Variants in ACYP2 observed in about 807,000 individuals in gnomAD.
ACYP2 encodes the protein acylphosphatase-2.
In ACYP2, 12 loss-of-function variants were observed where a neutral mutation model predicts 11.2. The ratio of observed to expected loss-of-function variants is 1.08; its 90% CI spans 0.69 to 1.74. ACYP2 has a LOEUF of 1.74. Among genes scored for constraint, ACYP2 ranks in the 40% most tolerant of loss-of-function variants. ACYP2 has a pLI of 0.00. For synonymous variants in ACYP2, 43 were observed against 32.2 expected (o/e 1.33, Z -1.13); for missense variants, 134 against 101.9 (o/e 1.31, Z -1.35).
At chr2:54,040,767 G>C (rs1482573377) in intron 2 of ACYP2, among the ~76,000 whole-genome samples, 1 of 152,224 alleles carries the variant, frequency 6.6e-6, no homozygotes, top group Admixed American at 6.5e-5. Flanking sequence ...CTTGATGAGA[G>C]TGATTTAACT....
chr2:54,267,322 G>A (rs1057467692), intron 6 of ACYP2: 4 of 1,548,432 alleles, frequency 2.6e-6, no homozygotes, highest in African/African-American at 2.7e-5. Context: ...GAAGCTGGGT[G>A]AAGAAAAGAA....
At chr2:54,266,776 T>TTTTGTA (rs1212855784) in intron 6 of ACYP2, among the ~76,000 whole-genome samples, 4 of 151,534 alleles carry the variant, frequency 2.6e-5, no homozygotes, top group Non-Finnish European at 4.4e-5. Context: ...TGGCTAATTT[T>TTTTGTA]TTTGTATTTT....
chr2:54,253,390 GA>G (rs1687329215), intron 6 of ACYP2: 1 of 152,094 alleles, frequency 6.6e-6, no homozygotes, highest in Non-Finnish European at 1.5e-5. Context: ...GAAAGTAAAA[GA>G]AAATCTGTAC....
chr2:54,009,574 C>A (rs370354599), intron 2 of ACYP2, among the ~76,000 whole-genome samples: 1 of 151,862 alleles, frequency 6.6e-6, no homozygotes, highest in Non-Finnish European at 1.5e-5. Context: ...AACTCTGTCT[C>A]AAAAATAATA....
At chr2:54,283,214 G>T (rs1471873786) in intron 6 of ACYP2, among the ~76,000 whole-genome samples, 2 of 152,134 alleles carry the variant, frequency 1.3e-5, no homozygotes, top group Non-Finnish European at 2.9e-5. Context: ...CTTGCCTCAA[G>T]ATTTTTATTA....
At chr2:53,993,581 C>A (rs948503141) in intron 2 of ACYP2, among the ~76,000 whole-genome samples, 4 of 151,786 alleles carry the variant, frequency 2.6e-5, no homozygotes, top group African/African-American at 9.7e-5. Flanking sequence ...TCTGTAGTCT[C>A]AGCTCCTCGG....
At chr2:53,975,392 G>A (rs1671421440) in intron 2 of ACYP2, 1 of 397,048 alleles carries the variant, frequency 2.5e-6, no homozygotes, top group Non-Finnish European at 4.4e-6. Flanking sequence ...ATGCTTCCCA[G>A]TGAGAAAGTT....
At chr2:54,076,612 A>G (rs147742897) in intron 4 of ACYP2, among the ~76,000 whole-genome samples, 26 of 152,350 alleles carry the variant, frequency 1.7e-4, no homozygotes, top group African/African-American at 6.0e-4. Flanking sequence ...ATAGAATATC[A>G]TTTAGAAGAT....
chr2:54,256,107 A>G (rs772232014), intron 6 of ACYP2: 2 of 1,614,136 alleles, frequency 1.2e-6, no homozygotes, highest in Non-Finnish European at 8.5e-7. Context: ...CTTCCAGAGC[A>G]TAGTCGAGAG....
chr2:54,094,043 G>T (rs1164322836), intron 4 of ACYP2, among the ~76,000 whole-genome samples: 2 of 152,176 alleles, frequency 1.3e-5, no homozygotes, highest in African/African-American at 4.8e-5. Flanking sequence ...GCTATGAAGA[G>T]CTGTCCTACT....
In ACYP2 at chr2:54,128,882, A is replaced by C. The variant is rs993378840; in HGVS notation, c.278-6571A>C. ...CATTTTCACTTCTCTGAAACACTCAAAACACTGAGGGCAGATCTTACCCAC... is the reference window on the plus strand; with the variant it reads ...CATTTTCACTTCTCTGAAACACTCACAACACTGAGGGCAGATCTTACCCAC... On this transcript the variant is annotated intron_variant, in intron 4 of 6. Coordinates refer to ENST00000607452, the MANE Select transcript of ACYP2 (RefSeq NM_001320586.2). Among the ~76,000 whole-genome samples, 146 of 152,114 alleles carry C rather than the reference A, an allele frequency of 9.6e-4. 7 individuals carry two copies. The highest frequency in any genetic ancestry group is 5.9e-5 in the Non-Finnish European group (4 of 68,016).
rs998644514 is a variant in ACYP2 at position 54,022,126 on chromosome 2, C to T, written c.63-28832C>T. Reference sequence around the variant, plus strand: ...TCATATATTTGTCATCTTGATTCACCAATTTTGAATGTCTTGCCACATTTG... The same window carrying T: ...TCATATATTTGTCATCTTGATTCACTAATTTTGAATGTCTTGCCACATTTG... On this transcript the variant is annotated intron_variant, in intron 2 of 6. Coordinates refer to ENST00000607452, the MANE Select transcript of ACYP2 (RefSeq NM_001320586.2). Among the ~76,000 whole-genome samples, 4 of 152,206 alleles carry T rather than the reference C, an allele frequency of 2.6e-5. No homozygotes were observed. The East Asian group carries it at 5.8e-4, about 22-fold the overall frequency.
intron 6 of ACYP2, among the ~76,000 whole-genome samples, chr2:54,239,659 G>A (rs1686646223): frequency 6.6e-6 from 1 of 152,110 alleles, no homozygotes; most frequent in African/African-American, 2.4e-5. Context: ...ACTCCAGGGG[G>A]TTGTCTAAAC....
chr2:54,084,318 G>C (rs568588564), intron 4 of ACYP2, among the ~76,000 whole-genome samples: 1 of 152,026 alleles, frequency 6.6e-6, no homozygotes, highest in Admixed American at 6.6e-5. Context: ...TTTCTGAGAC[G>C]GAGTCTCACT....
At chr2:54,121,382 C>G (rs961233980) in intron 4 of ACYP2, among the ~76,000 whole-genome samples, 1 of 152,194 alleles carries the variant, frequency 6.6e-6, no homozygotes, top group Non-Finnish European at 1.5e-5. Context: ...TGGTTGTGGA[C>G]TCCACCTGGA....
chr2:54,252,796 C>T (rs1359911901), intron 6 of ACYP2, among the ~76,000 whole-genome samples: 1 of 151,282 alleles, frequency 6.6e-6, no homozygotes, highest in African/African-American at 2.4e-5. Flanking sequence ...CCCAGCTACT[C>T]GGGAGGCTGA....
chr2:54,221,872 A>T (rs1386300628), intron 6 of ACYP2, among the ~76,000 whole-genome samples: 1 of 152,110 alleles, frequency 6.6e-6, no homozygotes, highest in Non-Finnish European at 1.5e-5. Context: ...TGAGGTACTT[A>T]TTATTAGTTT....
intron 6 of ACYP2, among the ~76,000 whole-genome samples, chr2:54,201,636 C>CTTTCTTTCTTTCTCTTTCTTTCTTTCTT (rs59874821): frequency 8.5e-5 from 8 of 93,698 alleles, no homozygotes; most frequent in Admixed American, 2.2e-4. Flanking sequence ...TTCTTTCTTT[C>CTTTCTTTCTTTCTCTTTCTTTCTTTCTT]TCTTTCTTTC....
At chr2:54,149,563 A>G (rs1340026309) in intron 6 of ACYP2, among the ~76,000 whole-genome samples, 1 of 152,214 alleles carries the variant, frequency 6.6e-6, no homozygotes. Context: ...TGTTAAATTA[A>G]TGTACAGTGT....
Sources: allele counts gnomAD v4.1 joint callset (sites outside exome capture counted in the v4.1 genomes callset), GRCh38; gene constraint gnomAD v4.1.1; transcripts MANE v1.5; gene names NCBI Gene and HGNC (gene_info 2026-07-23, HGNC 2026-07-21).